The following ARSF variants were observed in gnomAD, a reference collection of about 807,000 sequenced individuals.
ARSF encodes arylsulfatase F.
In ARSF, 33 loss-of-function variants were observed where a neutral mutation model predicts 35.4. That is an observed-to-expected ratio of 0.93 (90% CI 0.71 to 1.25). The LOEUF (loss-of-function observed/expected upper bound fraction) is 1.25. Among genes scored for constraint, ARSF ranks in the 50% most tolerant of loss-of-function variants. The pLI is 0.00. For missense variants in ARSF, 501 were observed against 480.2 expected (o/e 1.04, Z -0.40); for synonymous variants, 222 against 193.1 (o/e 1.15, Z -1.24).
At chrX:3,101,770 A>G (rs2090377899) in intron 8 of ARSF, among the ~76,000 whole-genome samples, 1 of 112,275 alleles carries the variant, frequency 8.9e-6, no homozygotes, top group South Asian at 3.7e-4. Flanking sequence ...ATAAGCTACT[A>G]CATTGGCCAG....
chrX:3,047,853 T>C (rs773681105), intron 1 of ARSF, among the ~76,000 whole-genome samples: 1 of 110,603 alleles, frequency 9.0e-6, no homozygotes, highest in African/African-American at 3.3e-5. Flanking sequence ...ATACCCGAGA[T>C]TGGGCAATTT....
At chrX:3,079,894 G>A (rs1239809099) in intron 4 of ARSF, among the ~76,000 whole-genome samples, 1 of 102,896 alleles carries the variant, frequency 9.7e-6, no homozygotes, top group Non-Finnish European at 2.0e-5. Context: ...AGGAGGCAGA[G>A]GTTGCAGTGA....
intron 9 of ARSF, 87 bp downstream of exon 9, chrX:3,104,011 T>G (rs977091980): frequency 5.0e-6 from 5 of 995,420 alleles, no homozygotes; most frequent in Non-Finnish European, 6.9e-6. Flanking sequence ...GACTCTATCC[T>G]GGCAGACCCA....
At position 3,112,289 on chromosome X, in the gene ARSF, C is replaced by A. The variant is rs750171459; in HGVS notation, c.1506C>A (p.Asn502Lys). 1.7e-5 allele frequency: 20 copies of A among 1,208,384 alleles called. No homozygotes were observed. In the East Asian group the frequency reaches 5.3e-4, roughly 32 times the overall value. ...RCFGEQVTYH[N>K]PPLLFDLSRD... ...TCGGAGAACAGGTTACCTACCACAA[C>A]CCCCCTCTGCTCTTCGATCTCTCCA... Residue 502 changes from asparagine to lysine, a missense_variant, in exon 11 of 11, where the codon AAC becomes AAA. By Grantham distance (94) the Asn-to-Lys change is moderately conservative (BLOSUM62 0). Transcript: ENST00000381127.
intron 2 of ARSF, 79 bp from the exon 3 acceptor site, chrX:3,071,947 T>C (rs992308715): frequency 9.8e-6 from 10 of 1,023,089 alleles, no homozygotes; most frequent in Non-Finnish European, 1.4e-5. Flanking sequence ...CAAAGACCCC[T>C]GTTGTGTTGT....
chrX:3,082,640 G>C (rs1372219855), intron 5 of ARSF, among the ~76,000 whole-genome samples: 1 of 110,717 alleles, frequency 9.0e-6, no homozygotes, highest in Non-Finnish European at 1.9e-5. Flanking sequence ...TTATCTATCT[G>C]TCTACTCACC....
At chrX:3,080,816 C>T in intron 4 of ARSF, 75 bp from the exon 5 acceptor site, 1 of 1,155,084 alleles carries the variant, frequency 8.7e-7, no homozygotes, top group Non-Finnish European at 1.2e-6. Context: ...TTTCAATGTG[C>T]AAATTTTGTA....
intron 1 of ARSF, among the ~76,000 whole-genome samples, chrX:3,041,988 T>A (rs994804800): frequency 8.0e-5 from 9 of 112,343 alleles, no homozygotes; most frequent in Non-Finnish European, 1.3e-4. Context: ...CATTTACTGA[T>A]CAAGCAGTTT....
chrX:3,077,834 C>T (rs1269885020), intron 4 of ARSF, among the ~76,000 whole-genome samples: 12 of 48,807 alleles, frequency 2.5e-4, no homozygotes, highest in Admixed American at 5.6e-4. Context: ...AATGGAGTCT[C>T]GCTCTGTTAC....
chrX:3,093,669 C>G (rs1477304066), intron 7 of ARSF, among the ~76,000 whole-genome samples: 1 of 111,633 alleles, frequency 9.0e-6, no homozygotes, highest in Non-Finnish European at 1.9e-5. Context: ...GGTTCTATGT[C>G]TTTGCTATTG....
At chrX:3,043,892 T>A (rs1357251878) in intron 1 of ARSF, among the ~76,000 whole-genome samples, 2 of 111,218 alleles carry the variant, frequency 1.8e-5, no homozygotes, top group Non-Finnish European at 3.8e-5. Context: ...GGGATCCTCC[T>A]GCCTCACCTC....
At chrX:3,059,028 T>C (rs895107120) in intron 1 of ARSF, among the ~76,000 whole-genome samples, 27 of 111,027 alleles carry the variant, frequency 2.4e-4, no homozygotes, top group African/African-American at 8.9e-4. Context: ...ATTGAGAGAG[T>C]CCTGGAAGCT....
intron 2 of ARSF, among the ~76,000 whole-genome samples, chrX:3,068,908 T>G (rs1367679249): frequency 8.9e-6 from 1 of 112,444 alleles, no homozygotes; most frequent in Non-Finnish European, 1.9e-5. Context: ...AAAATTGTAC[T>G]CTTCTGTGGC....
intron 3 of ARSF, among the ~76,000 whole-genome samples, chrX:3,073,585 A>ATAAATATATAAATATTTATAAATATATT (rs1569136675): frequency 3.7e-4 from 36 of 96,971 alleles, no homozygotes; most frequent in African/African-American, 1.3e-3. Flanking sequence ...ACATATATAA[A>ATAAATATATAAATATTTATAAATATATT]TATTTTAATA....
chrX:3,076,581 C>T lies in ARSF; in HGVS notation c.195C>T (p.Gly65=). 3 of 1,209,476 alleles carry T rather than the reference C, an allele frequency of 2.5e-6. No individual in the cohort carries two copies. The highest frequency in any genetic ancestry group is 3.5e-5 in the African/African-American group (2 of 57,719). ...TPHIDRLARE[G]VRLTQHISAA... is the part of the protein sequence containing the mutation. ...ACATCGACCGCCTTGCCAGGGAAGG[C>T]GTGCGACTGACTCAGCACATCTCTG... is the stretch of plus-strand genomic sequence containing the variant. The change falls in exon 4 of 11, where the codon GGC becomes GGT. Residue 65 remains glycine (G), a synonymous_variant. Coordinates refer to ENST00000381127, the MANE Select transcript of ARSF (RefSeq NM_001201539.2).
At chrX:3,069,570 C>A (rs1437646003) in intron 2 of ARSF, among the ~76,000 whole-genome samples, 2 of 110,932 alleles carry the variant, frequency 1.8e-5, no homozygotes, top group Non-Finnish European at 3.8e-5. Flanking sequence ...CCTCAGCCCC[C>A]CAAAGAGCTG....
rs751497726 is a variant in ARSF, at chrX:3,112,305, G to A, written c.1522G>A (p.Asp508Asn). 9.9e-6 allele frequency: 12 copies of A among 1,210,579 alleles called. No individual in the cohort carries two copies. Among genetic ancestry groups the A allele is most frequent in the East Asian group, 3.0e-5 (1 of 33,786 alleles). The change falls in exon 11 of 11, where the codon GAT becomes AAT. Residue 508 changes from aspartate to asparagine, a missense_variant. Coordinates refer to ENST00000381127, the MANE Select transcript of ARSF (RefSeq NM_001201539.2). ...CTACCACAACCCCCCTCTGCTCTTC[G>A]ATCTCTCCAGGGACCCCTCAGAGTC... ...VTYHNPPLLF[D>N]LSRDPSESTP... is the part of the protein sequence containing the mutation.
intron 2 of ARSF, among the ~76,000 whole-genome samples, chrX:3,071,179 C>T (rs1309032235): frequency 9.0e-6 from 1 of 111,519 alleles, no homozygotes; most frequent in Non-Finnish European, 1.9e-5. Context: ...AGCTATCTAT[C>T]TCTATATATC....
In ARSF at chrX:3,071,069, T is replaced by G. The variant is rs189181754; in HGVS notation, c.12-957T>G. Among the ~76,000 whole-genome samples the G allele has an allele frequency of 1.1e-4, 12 of 110,341 alleles. No homozygotes were observed. The East Asian group carries it at 2.6e-3, about 24-fold the overall frequency. On this transcript the variant is annotated intron_variant, in intron 2 of 10. Coordinates refer to ENST00000381127, the MANE Select transcript of ARSF (RefSeq NM_001201539.2). ...ATAGGTATCTACAGATCTATAGATA[T>G]CAAGAGTGTCTCGCTCCAAGCACCA...
Sources: allele counts gnomAD v4.1 joint callset (sites outside exome capture counted in the v4.1 genomes callset), GRCh38; gene constraint gnomAD v4.1.1; transcripts MANE v1.5; gene names NCBI Gene and HGNC (gene_info 2026-07-23, HGNC 2026-07-21).